ALG9: variants seen among roughly 807,000 people sequenced by gnomAD.
ALG9 encodes ALG9 alpha-1,2-mannosyltransferase.
In ALG9, 55 loss-of-function variants were observed where a neutral mutation model predicts 81.8. The ratio of observed to expected loss-of-function variants is 0.67; its 90% CI spans 0.54 to 0.84. The LOEUF (loss-of-function observed/expected upper bound fraction) is 0.84. Among genes scored for constraint, ALG9 ranks in the 40% least tolerant of loss-of-function variants. The pLI is 0.00. For missense variants in ALG9, 629 were observed against 745.0 expected (o/e 0.84, Z 1.81); for synonymous variants, 278 against 274.3 (o/e 1.01, Z -0.13).
At chr11:111,787,168 C>G (rs928935388) in intron 14 of ALG9, among the ~76,000 whole-genome samples, 3 of 152,176 alleles carry the variant, frequency 2.0e-5, no homozygotes, top group African/African-American at 7.2e-5. Flanking sequence ...CACTGGCTCA[C>G]GCCTGTAATT....
intron 4 of ALG9, among the ~76,000 whole-genome samples, chr11:111,864,939 G>A (rs996786598): frequency 1.3e-5 from 2 of 152,008 alleles, no homozygotes; most frequent in Non-Finnish European, 2.9e-5. Context: ...CACCACAACC[G>A]GCTAATTTTG....
intron 14 of ALG9, among the ~76,000 whole-genome samples, chr11:111,792,033 A>C (rs1947505566): frequency 6.6e-6 from 1 of 152,224 alleles, no homozygotes; most frequent in South Asian, 2.1e-4. Context: ...CAGTGAGCCA[A>C]GATTGTGCCA....
chr11:111,773,571 C>T, the ALG9 span, among the ~76,000 whole-genome samples: 1 of 151,852 alleles, frequency 6.6e-6, no homozygotes, highest in Non-Finnish European at 1.5e-5. Flanking sequence ...GATAAACAGG[C>T]ACAGTGACCT....
At chr11:111,804,132 C>CAAAAAAAAAAAAAAAAA in intron 14 of ALG9, among the ~76,000 whole-genome samples, 1 of 85,372 alleles carries the variant, frequency 1.2e-5, no homozygotes, top group Non-Finnish European at 2.3e-5. Flanking sequence ...GACTCCATCT[C>CAAAAAAAAAAAAAAAAA]AAAAAAAAAA....
At chr11:111,861,742 C>T (rs903980119) in intron 4 of ALG9, among the ~76,000 whole-genome samples, 9 of 152,124 alleles carry the variant, frequency 5.9e-5, no homozygotes, top group Admixed American at 5.9e-4. Flanking sequence ...CCTAAGTCTC[C>T]CAAAGCACTG....
rs1555157239 is a variant in ALG9, at chr11:111,870,343, G to A, written c.159C>T (p.Val53=). Residue 53 remains valine (V), a synonymous_variant, in exon 2 of 15, where the codon GTC becomes GTT. Coordinates refer to ENST00000616540, the MANE Select transcript of ALG9 (RefSeq NM_024740.2). ...AAGCAGTAGATCCTTCAGGTGCCCA[G>A]ACTTGTCCTGCTTTGTTCCCAGATA... is the stretch of plus-strand genomic sequence containing the variant. ...TELSGNKAGQ[V]WAPEGSTAFK... The A allele has an allele frequency of 2.0e-6, 3 of 1,467,338 alleles. No individual in the cohort carries two copies. Among genetic ancestry groups the A allele is most frequent in the South Asian group, 2.3e-5 (2 of 85,916 alleles). 90.9% of individuals were successfully genotyped at this position (1,467,338 alleles called of 1,614,324 possible).
chr11:111,843,782 C>T (rs572643454), intron 9 of ALG9, among the ~76,000 whole-genome samples: 2 of 152,262 alleles, frequency 1.3e-5, no homozygotes, highest in South Asian at 4.1e-4. Flanking sequence ...ACCAAACTTT[C>T]TCCAATAAGG....
chr11:111,828,944 T>C (rs1953856096), intron 13 of ALG9: 1 of 152,206 alleles, frequency 6.6e-6, no homozygotes, highest in Non-Finnish European at 1.5e-5. Context: ...GATCATGTTA[T>C]ATATATTGTT....
At chr11:111,820,543 C>A (rs1952166016) in intron 13 of ALG9, among the ~76,000 whole-genome samples, 1 of 152,198 alleles carries the variant, frequency 6.6e-6, no homozygotes, top group Non-Finnish European at 1.5e-5. Context: ...CAAACACCTT[C>A]CATTAGGTGC....
intron 12 of ALG9, chr11:111,836,702 G>A (rs1223290142): frequency 1.3e-5 from 3 of 230,502 alleles, no homozygotes; most frequent in South Asian, 1.2e-4. Context: ...ACTTTGTTCC[G>A]GAGTAACCCT....
intron 1 of ALG9, chr11:111,871,092 C>T: frequency 8.3e-7 from 1 of 1,210,382 alleles, no homozygotes; most frequent in African/African-American, 1.6e-5. Context: ...AGGCTGTGCC[C>T]ACTCTAGGCC....
At chr11:111,812,706 C>G (rs1950899679) in intron 13 of ALG9, among the ~76,000 whole-genome samples, 1 of 151,970 alleles carries the variant, frequency 6.6e-6, no homozygotes, top group African/African-American at 2.4e-5. Flanking sequence ...CGCCTGAGGT[C>G]AGGAGTTTGA....
At chr11:111,850,735 A>T (rs1957669515) in intron 8 of ALG9, among the ~76,000 whole-genome samples, 1 of 150,540 alleles carries the variant, frequency 6.6e-6, no homozygotes, top group Non-Finnish European at 1.5e-5. Context: ...TCAGACAAAA[A>T]TTTTTTTCTT....
Position 111,844,743 on chromosome 11 carries a change from A to T in ALG9, c.896-20T>A. ...CTGTACCTGAGGGAGACATAAAGGTAAGAAATCATTAGTGGATGCCTTTAA... is the reference window on the plus strand; with the variant it reads ...CTGTACCTGAGGGAGACATAAAGGTTAGAAATCATTAGTGGATGCCTTTAA... On this transcript the variant is annotated intron_variant, in intron 8 of 14. Transcript: ENST00000616540. The T allele has an allele frequency of 3.7e-6, 6 of 1,612,792 alleles. No individual in the cohort carries two copies. The highest frequency in any genetic ancestry group is 5.1e-6 in the Non-Finnish European group (6 of 1,179,022).
the ALG9 span, among the ~76,000 whole-genome samples, chr11:111,776,517 G>A: frequency 6.6e-6 from 1 of 152,170 alleles, no homozygotes; most frequent in African/African-American, 2.4e-5. Context: ...GAACCCAGGA[G>A]GTGGAGCTTG....
chr11:111,778,513 C>G (rs1437753748), downstream of ALG9, among the ~76,000 whole-genome samples: 12 of 152,064 alleles, frequency 7.9e-5, no homozygotes, highest in Admixed American at 5.2e-4. Flanking sequence ...GTTTGATGGG[C>G]TGGAGTAGAC....
chr11:111,840,070 G>A lies in ALG9; in HGVS notation c.1173+585C>T, dbSNP rs117733218. Among the ~76,000 whole-genome samples, 1,012 of 152,222 alleles carry A rather than the reference G, an allele frequency of 6.6e-3. 6 individuals are homozygous for A. The highest frequency in any genetic ancestry group is 0.051 in the Middle Eastern group (15 of 294). Reference sequence around the variant, plus strand: ...CCACTGAATCATACCCTTTAAATAGGTAAACTGTATGGTTTGTGAATTATA... The same window carrying A: ...CCACTGAATCATACCCTTTAAATAGATAAACTGTATGGTTTGTGAATTATA... On this transcript the variant is annotated intron_variant, in intron 10 of 14. Transcript: ENST00000616540.
At chr11:111,811,006 A>T (rs1555090850) in intron 13 of ALG9, among the ~76,000 whole-genome samples, 1 of 152,198 alleles carries the variant, frequency 6.6e-6, no homozygotes, top group Non-Finnish European at 1.5e-5. Context: ...GGCAGAAGAA[A>T]CAGAAAGGAA....
chr11:111,802,456 T>C lies in ALG9; in HGVS notation c.1733+7187A>G, dbSNP rs144769099. On this transcript the variant is annotated intron_variant, in intron 14 of 14. Coordinates refer to ENST00000616540, the MANE Select transcript of ALG9 (RefSeq NM_024740.2). ...TAAACTCCACATATGATTGCACTTA[T>C]ATGAAATGTCCAGAAAAGGCAATCT... Among the ~76,000 whole-genome samples, 551 of 152,318 alleles carry C rather than the reference T, an allele frequency of 3.6e-3. 1 individual carries two copies. The highest frequency in any genetic ancestry group is 5.4e-3 in the Non-Finnish European group (365 of 68,028).
Sources: allele counts gnomAD v4.1 joint callset (sites outside exome capture counted in the v4.1 genomes callset), GRCh38; gene constraint gnomAD v4.1.1; transcripts MANE v1.5; gene names NCBI Gene and HGNC (gene_info 2026-07-23, HGNC 2026-07-21).